The following ZNF385D variants were observed in gnomAD, a reference collection of about 807,000 sequenced individuals.
The protein encoded by ZNF385D is zinc finger protein 659.
In ZNF385D, 15 loss-of-function variants were observed where a neutral mutation model predicts 35.8. The observed-to-expected ratio is 0.42, with a 90% confidence interval of 0.28 to 0.64. ZNF385D has a LOEUF of 0.64. ZNF385D is among the 30% of genes least tolerant of loss of function. The pLI is 0.23. For synonymous variants in ZNF385D, 212 were observed against 186.8 expected (o/e 1.13, Z -1.10); for missense variants, 474 against 494.6 (o/e 0.96, Z 0.39).
chr3:21,543,078 C>G (rs931095732), intron 3 of ZNF385D: 12 of 152,344 alleles, frequency 7.9e-5, no homozygotes, highest in African/African-American at 2.9e-4. Flanking sequence ...TTTGGGAGGC[C>G]AAGGCGAGCG....
chr3:21,745,487 G>A (rs1011660240), intron 1 of ZNF385D, among the ~76,000 whole-genome samples: 3 of 152,188 alleles, frequency 2.0e-5, no homozygotes, highest in Non-Finnish European at 4.4e-5. Context: ...CTGCGACAGA[G>A]CAAAGCATCT....
intron 3 of ZNF385D, among the ~76,000 whole-genome samples, chr3:22,000,816 A>G (rs6770598): frequency 0.65 from 98,509 of 151,160 alleles, 33,315 homozygotes; most frequent in African/African-American, 0.81. Context: ...CTAACCTTGA[A>G]AAATTAAAAA....
chr3:21,766,192 G>T (rs780202189), intron 3 of ZNF385D, among the ~76,000 whole-genome samples: 8 of 152,044 alleles, frequency 5.3e-5, no homozygotes, highest in African/African-American at 1.9e-4. Context: ...ATCTCCAGAT[G>T]AGAGACCTGT....
chr3:22,087,553 T>C lies in ZNF385D; in HGVS notation c.325+81264A>G, dbSNP rs1030143390. The stretch of plus-strand genomic sequence containing the variant: ...ATGACTGGAACCAGGGAGATTTTTC[T>C]TGGACTGTGAGGTGGAAATTAGTTA... On this transcript the variant is annotated intron_variant, in intron 3 of 5. Coordinates refer to the ZNF385D transcript ENST00000494108. 2.0e-5 allele frequency among the ~76,000 whole-genome samples: 3 copies of C among 152,180 alleles called. 1 individual carries two copies. The highest frequency in any genetic ancestry group is 4.1e-4 in the South Asian group (2 of 4,828).
At chr3:22,011,012 AAAAGG>A (rs1696537406) in intron 3 of ZNF385D, among the ~76,000 whole-genome samples, 1 of 152,166 alleles carries the variant, frequency 6.6e-6, no homozygotes, top group Non-Finnish European at 1.5e-5. Context: ...ATCATAATTG[AAAAGG>A]TTTTATTGCC....
chr3:21,882,936 T>C (rs1417115914), intron 3 of ZNF385D, among the ~76,000 whole-genome samples: 1 of 152,020 alleles, frequency 6.6e-6, no homozygotes, highest in East Asian at 1.9e-4. Context: ...CTAATAGTAA[T>C]TGCATTTAGA....
chr3:21,793,892 T>C (rs1559627516), intron 3 of ZNF385D, among the ~76,000 whole-genome samples: 1 of 152,224 alleles, frequency 6.6e-6, no homozygotes, highest in Non-Finnish European at 1.5e-5. Flanking sequence ...AGACCTTCTC[T>C]TCTTCTGCAA....
chr3:21,729,227 CT>C (rs2068891672), intron 1 of ZNF385D, among the ~76,000 whole-genome samples: 1 of 152,080 alleles, frequency 6.6e-6, no homozygotes, highest in Non-Finnish European at 1.5e-5. Flanking sequence ...TTCCTTACAC[CT>C]TGAGGCATAA....
intron 2 of ZNF385D, among the ~76,000 whole-genome samples, chr3:22,343,333 G>A (rs1170986996): frequency 1.3e-5 from 2 of 152,172 alleles, no homozygotes; most frequent in Non-Finnish European, 2.9e-5. Flanking sequence ...TTTCTACTGT[G>A]GAAGCCAAAG....
intron 3 of ZNF385D, among the ~76,000 whole-genome samples, chr3:21,945,408 C>T (rs1036598349): frequency 6.6e-6 from 1 of 152,108 alleles, no homozygotes; most frequent in Admixed American, 6.5e-5. Flanking sequence ...ATGTTTTCTT[C>T]ATAGAAGAGC....
chr3:21,642,909 AAAG>A (rs1218676980), intron 2 of ZNF385D, among the ~76,000 whole-genome samples: 10 of 152,134 alleles, frequency 6.6e-5, no homozygotes, highest in Non-Finnish European at 1.3e-4. Context: ...ATTGAGATGA[AAAG>A]AAGAATGATG....
At chr3:21,433,651 T>C (rs1161746152) in intron 5 of ZNF385D, among the ~76,000 whole-genome samples, 1 of 152,212 alleles carries the variant, frequency 6.6e-6, no homozygotes, top group African/African-American at 2.4e-5. Flanking sequence ...TAGTGGGGTA[T>C]ATTTAAAGAG....
rs1251199101 is a variant in ZNF385D at position 22,032,212 on chromosome 3, G to C, written c.325+136605C>G. On this transcript the variant is annotated intron_variant, in intron 3 of 5. Coordinates refer to the ZNF385D transcript ENST00000494108. ...TGTCTTCTTCTGAGCCTTCCAAACT[G>C]TTTCAACCTCTGCCAGTTACCCAGA... 3.3e-5 allele frequency among the ~76,000 whole-genome samples: 5 copies of C among 152,242 alleles called. No homozygotes were observed. The South Asian group carries it at 1.0e-3, about 32-fold the overall frequency.
At chr3:22,002,562 T>A (rs1695922936) in intron 3 of ZNF385D, among the ~76,000 whole-genome samples, 1 of 152,158 alleles carries the variant, frequency 6.6e-6, no homozygotes. Context: ...AAGGGAATTC[T>A]TTCTAACTCA....
intron 3 of ZNF385D, among the ~76,000 whole-genome samples, chr3:21,939,599 C>T (rs150800201): frequency 6.6e-6 from 1 of 152,156 alleles, no homozygotes; most frequent in African/African-American, 2.4e-5. Flanking sequence ...ATTAAATATC[C>T]AGTCCTTATA....
intron 3 of ZNF385D, among the ~76,000 whole-genome samples, chr3:21,885,793 C>A (rs1031791533): frequency 7.5e-6 from 1 of 134,102 alleles, no homozygotes. Flanking sequence ...GAAAGAGAGA[C>A]CGATTTATTT....
rs1703588366 is a variant in ZNF385D at position 22,312,083 on chromosome 3, A to G, written c.106+60367T>C. Among the ~76,000 whole-genome samples, 3 of 152,088 alleles carry G rather than the reference A, an allele frequency of 2.0e-5. No individual in the cohort carries two copies. The South Asian group carries it at 6.2e-4, about 32-fold the overall frequency. ...CTTCACACTACCTACTCACTTTCTA[A>G]TAACTCAATCGGGCAAAATTGCCTA... is the stretch of plus-strand genomic sequence containing the variant. On this transcript the variant is annotated intron_variant, in intron 2 of 5. Transcript: ENST00000494108.
chr3:21,457,670 A>G (rs1038412466), intron 4 of ZNF385D, among the ~76,000 whole-genome samples: 81 of 152,200 alleles, frequency 5.3e-4, no homozygotes, highest in African/African-American at 1.7e-3. Flanking sequence ...AATTCTTTCA[A>G]TGACGAATTT....
At chr3:22,079,595 T>C (rs950274409) in intron 3 of ZNF385D, among the ~76,000 whole-genome samples, 1 of 151,940 alleles carries the variant, frequency 6.6e-6, no homozygotes, top group Non-Finnish European at 1.5e-5. Flanking sequence ...TTTTTTATTA[T>C]TGGGAAATGA....
Sources: gnomAD v4.1 joint callset for allele counts (sites outside exome capture counted in the v4.1 genomes callset) on GRCh38, gnomAD v4.1.1 for gene constraint, MANE v1.5 for transcripts, NCBI Gene and HGNC (gene_info 2026-07-23, HGNC 2026-07-21) for gene names.